The following ACP1 variants were observed in gnomAD, a reference collection of about 807,000 sequenced individuals.
ACP1 encodes the protein acid phosphatase 1, also known as low molecular weight phosphotyrosine protein phosphatase.
In ACP1, 23 loss-of-function variants were observed where a neutral mutation model predicts 23.4. The ratio of observed to expected loss-of-function variants is 0.98; its 90% confidence interval spans 0.71 to 1.39. The LOEUF is 1.39. Ranked by LOEUF, ACP1 falls within the 40% of genes most tolerant of loss-of-function variation. The pLI is 0.00. For missense variants in ACP1, 180 were observed against 197.7 expected (o/e 0.91, Z 0.54); for synonymous variants, 72 against 67.2 (o/e 1.07, Z -0.35).
chr2:265,423 A>G (rs1334296179), intron 1 of ACP1: 1 of 167,516 alleles, frequency 6.0e-6, no homozygotes, highest in African/African-American at 2.4e-5. Flanking sequence ...TCCTTAGCCC[A>G]TGCTTAGATA....
chr2:266,076 T>C (rs1669870056), intron 1 of ACP1, among the ~76,000 whole-genome samples: 1 of 152,194 alleles, frequency 6.6e-6, no homozygotes, highest in Non-Finnish European at 1.5e-5. Context: ...AAAGATGTAA[T>C]ACAGAAAAGG....
chr2:277,329 C>T lies in ACP1; in HGVS notation c.*25C>T. ...AGGCAGGTTCGTGCCCTGCTGCGGC[C>T]AGCCTGACTAGACCCCACCCTGAGG... On this transcript the variant is annotated 3_prime_UTR_variant, in exon 6 of 6. Coordinates refer to ENST00000272065, the MANE Select transcript of ACP1 (RefSeq NM_004300.4). 6.2e-7 allele frequency: 1 copy of T among 1,608,626 alleles called. No homozygotes were observed. The highest frequency in any genetic ancestry group is 8.5e-7 in the Non-Finnish European group (1 of 1,176,664).
chr2:274,090 G>A (rs1346023819), intron 3 of ACP1, among the ~76,000 whole-genome samples: 2 of 152,194 alleles, frequency 1.3e-5, no homozygotes, highest in African/African-American at 4.8e-5. Flanking sequence ...TTGAACTCAA[G>A]AAGTTGAGGC....
chr2:265,615 C>T (rs919374778), intron 1 of ACP1, among the ~76,000 whole-genome samples: 1 of 152,296 alleles, frequency 6.6e-6, no homozygotes, highest in East Asian at 1.9e-4. Context: ...AATTTCAACA[C>T]TTAGCTTGCC....
rs932071954 is a variant in ACP1 at position 265,011 on chromosome 2, A to C, written c.43+4A>C. ...TCCGTGCTGTTTGTGTGTCTGGGTA[A>C]GAGGGCGCCGACTTACTCATGTTCT... On this transcript the variant is annotated splice_donor_region_variant and intron_variant, in intron 1 of 5. Transcript: ENST00000272065. 1 of 1,612,960 alleles carries C rather than the reference A, an allele frequency of 6.2e-7. No individual in the cohort carries two copies. The highest frequency in any genetic ancestry group is 8.5e-7 in the Non-Finnish European group (1 of 1,179,542).
chr2:276,930 T>C, intron 4 of ACP1, 50 bp from the exon 5 acceptor site: 1 of 1,185,416 alleles, frequency 8.4e-7, no homozygotes, highest in South Asian at 1.4e-5. Context: ...TGTCCCTGTT[T>C]AACTTGAAAC....
intron 1 of ACP1, among the ~76,000 whole-genome samples, chr2:270,655 A>G (rs1206285462): frequency 6.6e-6 from 1 of 152,028 alleles, no homozygotes; most frequent in Non-Finnish European, 1.5e-5. Context: ...CAGTGATTCA[A>G]CCCATTGTGT....
At chr2:270,887 C>G (rs909205564) in intron 1 of ACP1, among the ~76,000 whole-genome samples, 5 of 152,004 alleles carry the variant, frequency 3.3e-5, no homozygotes, top group African/African-American at 1.2e-4. Context: ...GTTGCTGTTA[C>G]TATAATGAAA....
At chr2:265,084 C>A in intron 1 of ACP1, 77 bp downstream of exon 1, 1 of 1,579,286 alleles carries the variant, frequency 6.3e-7, no homozygotes, top group South Asian at 1.1e-5. Flanking sequence ...TAGGTTGTGC[C>A]GCCGGCCTAG....
Position 277,617 on chromosome 2 carries a change from G to T in ACP1, c.*313G>T. ...AAAACAATGAAGGAAAACCTCACTT[G>T]AAGGCCCAGGTCAACATCTAAGCCT... On this transcript the variant is annotated 3_prime_UTR_variant, in exon 6 of 6. Coordinates refer to ENST00000272065, the MANE Select transcript of ACP1 (RefSeq NM_004300.4). 2 of 361,732 alleles carry T rather than the reference G, an allele frequency of 5.5e-6. No individual in the cohort carries two copies. The highest frequency in any genetic ancestry group is 5.7e-5 in the South Asian group (2 of 35,076). The allele number at this position is 361,732 out of a possible 1,614,324, so 22.4% of individuals were successfully genotyped here.
At chr2:272,608 T>A in intron 3 of ACP1, 1 of 679,030 alleles carries the variant, frequency 1.5e-6, no homozygotes, top group Non-Finnish European at 2.2e-6. Flanking sequence ...ATTAAACATT[T>A]AGGCCATAGT....
rs371196535 is a variant in ACP1, at chr2:277,518, G to T, written c.*214G>T. ...ATCTTTGATTCAGACAGCTTATGGGGTATTTTAAGCATTCTTAGACTAGTT... is the reference window on the plus strand; with the variant it reads ...ATCTTTGATTCAGACAGCTTATGGGTTATTTTAAGCATTCTTAGACTAGTT... On this transcript the variant is annotated 3_prime_UTR_variant, in exon 6 of 6. Coordinates refer to ENST00000272065, the MANE Select transcript of ACP1 (RefSeq NM_004300.4). 1.7e-6 allele frequency: 1 copy of T among 581,876 alleles called. No individual in the cohort carries two copies. The highest frequency in any genetic ancestry group is 3.1e-6 in the Non-Finnish European group (1 of 324,966). 36.0% of individuals were successfully genotyped at this position (581,876 alleles called of 1,614,324 possible).
Position 277,077 on chromosome 2 carries a change from C to G in ACP1, c.391C>G (p.Pro131Ala). Reference sequence around the variant, plus strand: ...ACAAAAACAACTTATTATTGAAGATCCCTATTATGTAAGTACAGTTCACGT... The same window carrying G: ...ACAAAAACAACTTATTATTGAAGATGCCTATTATGTAAGTACAGTTCACGT... Reference protein sequence around the residue: ...DPQKQLIIEDPYYGNDSDFET... With the variant: ...DPQKQLIIEDAYYGNDSDFET... The change falls in exon 5 of 6, where the codon CCC (proline) becomes GCC (alanine). Residue 131 changes from proline (P) to alanine (A), a missense_variant. Transcript: ENST00000272065. 1 of 1,610,458 alleles carries G rather than the reference C, an allele frequency of 6.2e-7. No individual in the cohort carries two copies. The highest frequency in any genetic ancestry group is 8.5e-7 in the Non-Finnish European group (1 of 1,176,802).
rs1572200775 is a variant in ACP1, at chr2:277,619, A to G, written c.*315A>G. ...AACAATGAAGGAAAACCTCACTTGAAGGCCCAGGTCAACATCTAAGCCTGT... is the reference window on the plus strand; with the variant it reads ...AACAATGAAGGAAAACCTCACTTGAGGGCCCAGGTCAACATCTAAGCCTGT... On this transcript the variant is annotated 3_prime_UTR_variant, in exon 6 of 6. Coordinates refer to ENST00000272065, the MANE Select transcript of ACP1 (RefSeq NM_004300.4). The G allele has an allele frequency of 2.8e-6, 1 of 361,548 alleles. No individual in the cohort carries two copies. Among genetic ancestry groups the G allele is most frequent in the East Asian group, 5.7e-5 (1 of 17,446 alleles). 22.4% of individuals were successfully genotyped at this position (361,548 alleles called of 1,614,324 possible). A position where few individuals can be genotyped will look rare whatever the true frequency, so the allele number is the denominator to read the frequency against.
At chr2:265,295 T>C (rs1669830875) in intron 1 of ACP1, 1 of 403,094 alleles carries the variant, frequency 2.5e-6, no homozygotes, top group Non-Finnish European at 4.4e-6. Flanking sequence ...TCTTTGCGAC[T>C]ACTAGAATCC....
At chr2:273,708 G>C (rs999727584) in intron 3 of ACP1, among the ~76,000 whole-genome samples, 3 of 152,164 alleles carry the variant, frequency 2.0e-5, no homozygotes, top group African/African-American at 7.2e-5. Context: ...TTGTGCATTT[G>C]TTACATAAGT....
chr2:268,001 C>T (rs781240274), intron 1 of ACP1, among the ~76,000 whole-genome samples: 1 of 152,132 alleles, frequency 6.6e-6, no homozygotes, highest in Non-Finnish European at 1.5e-5. Context: ...ATTATTCTTA[C>T]CGCTGTGGGC....
chr2:277,066 T>C lies in ACP1; in HGVS notation c.380T>C (p.Ile127Thr), dbSNP rs750567589. ...AGCTATGATCCACAAAAACAACTTA[T>C]TATTGAAGATCCCTATTATGTAAGT... ...LGSYDPQKQL[I>T]IEDPYYGNDS... Residue 127 changes from isoleucine to threonine, a missense_variant, in exon 5 of 6, where the codon ATT becomes ACT. Physicochemically the swap from Ile to Thr is moderately conservative, Grantham distance 89. Transcript: ENST00000272065. The C allele has an allele frequency of 6.2e-7, 1 of 1,612,796 alleles. No homozygotes were observed. Among genetic ancestry groups the C allele is most frequent in the South Asian group, 1.1e-5 (1 of 90,988 alleles).
chr2:277,135 T>C, intron 5 of ACP1, 50 bp downstream of exon 5: 1 of 1,567,948 alleles, frequency 6.4e-7, no homozygotes, highest in South Asian at 1.1e-5. Flanking sequence ...AACACATTTG[T>C]ATCCTGCCAT....
Sources: allele counts gnomAD v4.1 joint callset (sites outside exome capture counted in the v4.1 genomes callset), GRCh38; gene constraint gnomAD v4.1.1; transcripts MANE v1.5; gene names NCBI Gene and HGNC (gene_info 2026-07-23, HGNC 2026-07-21).